The following SUGCT variants were observed in gnomAD, a reference collection of about 807,000 sequenced individuals.
SUGCT encodes succinyl-CoA:glutarate-CoA transferase, also known as succinyl-CoA:glutarate CoA-transferase.
Under a neutral mutation model 55.0 loss-of-function variants are expected in SUGCT, and 41 were observed. The observed-to-expected ratio is 0.74, with a 90% CI of 0.58 to 0.97. The LOEUF (loss-of-function observed/expected upper bound fraction) is 0.97. Ranked by LOEUF, SUGCT falls within the 50% of genes least tolerant of loss-of-function variation. The pLI is 0.00. For synonymous variants in SUGCT, 187 were observed against 200.4 expected (o/e 0.93, Z 0.56); for missense variants, 568 against 547.8 (o/e 1.04, Z -0.37).
At chr7:40,948,727 A>G in the SUGCT span, among the ~76,000 whole-genome samples, 9 of 150,314 alleles carry the variant, frequency 6.0e-5, no homozygotes, top group Admixed American at 2.0e-4. Context: ...TTCCTGTGTT[A>G]GTTTGCTGAG....
intron 12 of SUGCT, among the ~76,000 whole-genome samples, chr7:40,707,744 T>C (rs1385092777): frequency 2.6e-5 from 4 of 152,186 alleles, no homozygotes; most frequent in Admixed American, 2.0e-4. Flanking sequence ...AATGGGAAAA[T>C]TGAATTTCAT....
At chr7:40,364,139 C>T (rs1348636650) in intron 9 of SUGCT, among the ~76,000 whole-genome samples, 1 of 151,552 alleles carries the variant, frequency 6.6e-6, no homozygotes, top group African/African-American at 2.4e-5. Flanking sequence ...ATTGAAACCC[C>T]TGCCTTTTTT....
At chr7:40,609,975 T>C (rs1562897923) in intron 12 of SUGCT, among the ~76,000 whole-genome samples, 1 of 152,364 alleles carries the variant, frequency 6.6e-6, no homozygotes, top group African/African-American at 2.4e-5. Flanking sequence ...TTAACATTTA[T>C]TGAGCTCTTG....
At position 40,579,626 on chromosome 7, in the gene SUGCT, G is replaced by A. The variant is rs545237798; in HGVS notation, c.1089+83240G>A. The stretch of plus-strand genomic sequence containing the variant: ...TATGGAAACAGACATAAATGGTGTG[G>A]GGGTGTCGTAGCACGTGGGTGTCTA... On this transcript the variant is annotated intron_variant, in intron 12 of 13. Coordinates refer to ENST00000335693, the MANE Select transcript of SUGCT (RefSeq NM_001193313.2). 7.9e-5 allele frequency among the ~76,000 whole-genome samples: 12 copies of A among 152,280 alleles called. No individual in the cohort carries two copies. The South Asian group carries it at 8.3e-4, about 11-fold the overall frequency.
the SUGCT span, chr7:40,966,543 G>T: frequency 1.3e-5 from 2 of 152,162 alleles, no homozygotes; most frequent in Non-Finnish European, 2.9e-5. Flanking sequence ...TGGGAGGCGA[G>T]TAACAGCTGC....
At position 40,156,246 on chromosome 7, in the gene SUGCT, G is replaced by A. The variant is rs143281651; in HGVS notation, c.100+21126G>A. Among the ~76,000 whole-genome samples, 886 of 152,180 alleles carry A rather than the reference G, an allele frequency of 5.8e-3. 7 individuals carry two copies. The highest frequency in any genetic ancestry group is 0.02 in the African/African-American group (823 of 41,540). On this transcript the variant is annotated intron_variant, in intron 1 of 13. Transcript: ENST00000335693. ...TGGAAGGCCAAGGTAGGCGGATCAC[G>A]AGGTCAGGAGATCGAGAGCATCCTG...
chr7:40,167,535 T>C (rs549158224), intron 1 of SUGCT, among the ~76,000 whole-genome samples: 2 of 152,298 alleles, frequency 1.3e-5, no homozygotes, highest in Admixed American at 1.3e-4. Flanking sequence ...AAGCCTTTTG[T>C]TCTCTGACCT....
chr7:40,470,173 G>A (rs944586695), intron 11 of SUGCT, among the ~76,000 whole-genome samples: 1 of 151,978 alleles, frequency 6.6e-6, no homozygotes, highest in African/African-American at 2.4e-5. Flanking sequence ...GGAGAATCTG[G>A]AGTTTGACTC....
intron 1 of SUGCT, among the ~76,000 whole-genome samples, 168 bp downstream of exon 1, chr7:40,135,288 C>G (rs1787618754): frequency 6.6e-6 from 1 of 152,230 alleles, no homozygotes; most frequent in Non-Finnish European, 1.5e-5. Flanking sequence ...CCGGCCTGCC[C>G]CGCTCTGGCC....
At chr7:40,304,719 G>GAATAAT (rs199825643) in intron 8 of SUGCT, among the ~76,000 whole-genome samples, 2 of 63,246 alleles carry the variant, frequency 3.2e-5, no homozygotes, top group African/African-American at 1.4e-4. Flanking sequence ...ACTTCACTTA[G>GAATAAT]AATAATAATA....
At chr7:40,157,326 G>C (rs1783946618) in intron 1 of SUGCT, among the ~76,000 whole-genome samples, 1 of 152,096 alleles carries the variant, frequency 6.6e-6, no homozygotes, top group Non-Finnish European at 1.5e-5. Flanking sequence ...GCGGCAGCTG[G>C]GCAGTTATCC....
downstream of SUGCT, among the ~76,000 whole-genome samples, chr7:40,864,912 A>G (rs1436453369): frequency 2.0e-5 from 3 of 152,066 alleles, no homozygotes; most frequent in African/African-American, 7.2e-5. Flanking sequence ...CATGTGAAGC[A>G]GCTCCTTTTT....
chr7:40,487,613 A>T (rs1170615245), intron 11 of SUGCT, among the ~76,000 whole-genome samples: 1 of 152,006 alleles, frequency 6.6e-6, no homozygotes, highest in Non-Finnish European at 1.5e-5. Flanking sequence ...TCATATTAAA[A>T]TCTTTTACTA....
the SUGCT span, among the ~76,000 whole-genome samples, chr7:40,994,528 A>G: frequency 6.6e-6 from 1 of 152,196 alleles, no homozygotes. Context: ...GTTTCTTGAC[A>G]TTTTAAAGAA....
intron 11 of SUGCT, among the ~76,000 whole-genome samples, chr7:40,463,273 A>T (rs958520317): frequency 6.6e-6 from 1 of 152,220 alleles, no homozygotes; most frequent in African/African-American, 2.4e-5. Flanking sequence ...TCTAGGAATG[A>T]TGAACTCACT....
At chr7:40,144,923 G>A (rs75543662) in intron 1 of SUGCT, among the ~76,000 whole-genome samples, 11,091 of 152,142 alleles carry the variant, frequency 0.073, 1,312 homozygotes, top group African/African-American at 0.25. Context: ...AATAAAACTT[G>A]TAGACACATT....
chr7:40,248,928 C>CA lies in SUGCT; in HGVS notation c.576+11202_576+11203insA, dbSNP rs1562611530. 9.5e-3 allele frequency among the ~76,000 whole-genome samples: 1,361 copies of CA among 142,558 alleles called. 12 individuals are homozygous for CA. Among genetic ancestry groups the CA allele is most frequent in the South Asian group, 0.022 (101 of 4,518 alleles). 93.5% of individuals were successfully genotyped at this position (142,558 alleles called of 152,430 possible). A position where few individuals can be genotyped will look rare whatever the true frequency, so the allele number is the denominator to read the frequency against. ...CACACACGCACACACACACACACTC[C>CA]CTCTCTCTCTGTCTCTCTCTCTCTC... On this transcript the variant is annotated intron_variant, in intron 7 of 13. Transcript: ENST00000335693.
At chr7:40,473,784 A>G (rs1583774336) in intron 11 of SUGCT, among the ~76,000 whole-genome samples, 1 of 152,190 alleles carries the variant, frequency 6.6e-6, no homozygotes, top group Non-Finnish European at 1.5e-5. Flanking sequence ...ACTCAGAGAT[A>G]TTATTGCAAA....
At chr7:40,963,039 G>A in the SUGCT span, among the ~76,000 whole-genome samples, 13 of 152,082 alleles carry the variant, frequency 8.5e-5, no homozygotes, top group Non-Finnish European at 1.8e-4. Context: ...TCTGGGAATT[G>A]CATATAAACA....
Sources: gnomAD v4.1 joint callset for allele counts (sites outside exome capture counted in the v4.1 genomes callset) on GRCh38, gnomAD v4.1.1 for gene constraint, MANE v1.5 for transcripts, NCBI Gene and HGNC (gene_info 2026-07-23, HGNC 2026-07-21) for gene names.